FCAMR: variants seen among roughly 807,000 people sequenced by gnomAD.
FCAMR encodes the protein high affinity immunoglobulin alpha and immunoglobulin mu Fc receptor.
A neutral mutation model predicts 52.2 loss-of-function variants in FCAMR; 51 were observed. The ratio of observed to expected loss-of-function variants is 0.98; its 90% CI spans 0.78 to 1.23. FCAMR has a LOEUF of 1.23. FCAMR is among the 50% of genes most tolerant of loss of function. The probability of loss-of-function intolerance (pLI) is 0.00; values close to 1 mark genes in which losing one functional copy is unlikely to be tolerated. For missense variants in FCAMR, 719 were observed against 712.6 expected (o/e 1.01, Z -0.10); for synonymous variants, 282 against 262.0 (o/e 1.08, Z -0.74).
upstream of FCAMR, chr1:206,970,476 C>T (rs1206498755): frequency 5.3e-6 from 1 of 187,022 alleles, no homozygotes; most frequent in Non-Finnish European, 1.1e-5. Flanking sequence ...CTTCAGGGGT[C>T]TCAGACTATT....
intron 4 of FCAMR, among the ~76,000 whole-genome samples, chr1:206,963,612 T>C (rs1307693118): frequency 6.6e-6 from 1 of 152,186 alleles, no homozygotes; most frequent in African/African-American, 2.4e-5. Flanking sequence ...TTCTCCCAGC[T>C]GGGCTTGGAG....
intron 4 of FCAMR, among the ~76,000 whole-genome samples, chr1:206,963,337 T>C (rs1323840001): frequency 6.6e-6 from 1 of 152,158 alleles, no homozygotes; most frequent in African/African-American, 2.4e-5. Flanking sequence ...TTGAACCACA[T>C]ATATGGCCAG....
Position 206,958,501 on chromosome 1 carries a change from T to G in FCAMR, c.*15A>C. 6.2e-7 allele frequency: 1 copy of G among 1,607,166 alleles called. No individual in the cohort carries two copies. Among genetic ancestry groups the G allele is most frequent in the Admixed American group, 1.7e-5 (1 of 59,554 alleles). On this transcript the variant is annotated 3_prime_UTR_variant, in exon 8 of 8. Transcript: ENST00000324852. ...CCTTCTCCCATGGTAACTGAGCAGTTCATCTCTCTGTCCCTCAGGGTCCTG... is the reference window on the plus strand; with the variant it reads ...CCTTCTCCCATGGTAACTGAGCAGTGCATCTCTCTGTCCCTCAGGGTCCTG...
chr1:206,958,699 G>A, intron 7 of FCAMR, 23 bp from the exon 8 acceptor site: 5 of 1,613,974 alleles, frequency 3.1e-6, no homozygotes, highest in Non-Finnish European at 4.2e-6. Flanking sequence ...AGAGCAGACT[G>A]TGAGGGTTCT....
rs1369149819 is a variant in FCAMR, at chr1:206,962,199, C to T, written c.652+14G>A. ...TGCTTCACCAAGCTTGGCCCATCAG[C>T]CGTCAGCTCATACCTGCAGAGATGG... On this transcript the variant is annotated intron_variant, in intron 5 of 7. Transcript: ENST00000324852. 1.9e-6 allele frequency: 3 copies of T among 1,608,186 alleles called. No individual in the cohort carries two copies. In the Admixed American group the frequency reaches 5.0e-5, roughly 27 times the overall value.
Position 206,962,105 on chromosome 1 carries a change from C to T in FCAMR, c.652+108G>A, listed in dbSNP as rs985883628. 3.2e-5 allele frequency: 35 copies of T among 1,095,710 alleles called. No individual in the cohort carries two copies. In the East Asian group the frequency reaches 8.4e-4, roughly 26 times the overall value. 67.9% of individuals were successfully genotyped at this position (1,095,710 alleles called of 1,614,324 possible). On this transcript the variant is annotated intron_variant, in intron 5 of 7. Transcript: ENST00000324852. Reference sequence around the variant, plus strand: ...TTGCCTTGCCCCAGCTTTTCATTGTCACTTCCCTAATGTTTCAAGCCCTTC... The same window carrying T: ...TTGCCTTGCCCCAGCTTTTCATTGTTACTTCCCTAATGTTTCAAGCCCTTC...
rs1234600155 is a variant in FCAMR, at chr1:206,965,839, T to C, written c.189A>G (p.Pro63=). ...CLLQGSSFAL[P]QKRPHPRWLW... ...GCCATCTCGGATGGGGTCTTTTTTG[T>C]GGAAGGGCGAAAGAAGAACCTGCAG... Residue 63 remains proline, a synonymous_variant, in exon 4 of 8, where the codon CCA becomes CCG. Coordinates refer to ENST00000324852, the MANE Select transcript of FCAMR (RefSeq NM_001170631.2). 6.2e-7 allele frequency: 1 copy of C among 1,605,348 alleles called. No homozygotes were observed. Among genetic ancestry groups the C allele is most frequent in the Non-Finnish European group, 8.5e-7 (1 of 1,176,252 alleles).
intron 1 of FCAMR, among the ~76,000 whole-genome samples, chr1:206,969,589 G>T (rs1680855025): frequency 6.6e-6 from 1 of 152,180 alleles, no homozygotes. Flanking sequence ...CAGGCTGCTT[G>T]CTGCATGACT....
At position 206,961,062 on chromosome 1, in the gene FCAMR, TG is replaced by T; in HGVS notation, c.813del (p.Ser272AlafsTer63). 6.4e-7 allele frequency: 1 copy of T among 1,551,942 alleles called. No individual in the cohort carries two copies. The highest frequency in any genetic ancestry group is 8.7e-7 in the Non-Finnish European group (1 of 1,147,050). On this transcript the variant is annotated frameshift_variant, in exon 6 of 8. Transcript: ENST00000324852. LOFTEE classifies it high-confidence loss of function. Reference sequence around the variant, plus strand: ...CCCTCAGCTGAAGCTGTAGTCTTGCTGGTTCCTGGAGTGGAAGCAACTGTGT... The same window carrying T: ...CCCTCAGCTGAAGCTGTAGTCTTGCTGTTCCTGGAGTGGAAGCAACTGTGT... The part of the protein sequence containing the change: ...AWDTVASTPG[T>X]SKTTASAEGR...
At chr1:206,967,392 G>A (rs1264816937) in intron 2 of FCAMR, among the ~76,000 whole-genome samples, 191 bp downstream of exon 2, 2 of 152,166 alleles carry the variant, frequency 1.3e-5, no homozygotes, top group East Asian at 1.9e-4. Flanking sequence ...CCCTCTGTAG[G>A]ATTCTAGCCT....
chr1:206,968,384 T>C (rs1680799184), intron 1 of FCAMR, among the ~76,000 whole-genome samples: 1 of 152,232 alleles, frequency 6.6e-6, no homozygotes, highest in Non-Finnish European at 1.5e-5. Flanking sequence ...ACTTCTCTTG[T>C]ATTCCCCAGA....
In FCAMR at chr1:206,960,771, C is replaced by G; in HGVS notation, c.1105G>C (p.Ala369Pro). The G allele has an allele frequency of 6.4e-7, 1 of 1,552,404 alleles. No homozygotes were observed. The highest frequency in any genetic ancestry group is 8.7e-7 in the Non-Finnish European group (1 of 1,147,146). ...IEGVRIALDA[A>P]KKVLGTIGPP... ...CCAATGGTTCCTAGGACCTTTTTGGCTGCATCAAGAGCTATCCTGACCCCC... is the reference window on the plus strand; with the variant it reads ...CCAATGGTTCCTAGGACCTTTTTGGGTGCATCAAGAGCTATCCTGACCCCC... Residue 369 changes from alanine (A) to proline (P), a missense_variant, in exon 6 of 8, where the codon GCC (alanine) becomes CCC (proline). Coordinates refer to ENST00000324852, the MANE Select transcript of FCAMR (RefSeq NM_001170631.2).
At chr1:206,967,163 G>A (rs749077293) in intron 2 of FCAMR, 51 bp from the exon 3 acceptor site, 20 of 1,584,816 alleles carry the variant, frequency 1.3e-5, no homozygotes, top group South Asian at 2.2e-5. Flanking sequence ...CTGGGTGAGG[G>A]TGGTGGGACT....
Position 206,960,961 on chromosome 1 carries a change from A to G in FCAMR, c.915T>C (p.Pro305=), listed in dbSNP as rs924435565. 2 of 1,551,870 alleles carry G rather than the reference A, an allele frequency of 1.3e-6. No individual in the cohort carries two copies. The highest frequency in any genetic ancestry group is 1.7e-6 in the Non-Finnish European group (2 of 1,147,052). ...AAGGTGGACTCTCTGGAATCGGAGCAGGTGCTTTGACAGAACCCTCTGCCC... is the reference window on the plus strand; with the variant it reads ...AAGGTGGACTCTCTGGAATCGGAGCGGGTGCTTTGACAGAACCCTCTGCCC... The part of the protein sequence containing the change: ...GSWAEGSVKA[P]APIPESPPSK... Residue 305 remains proline, a synonymous_variant, in exon 6 of 8, where the codon CCT becomes CCC. Transcript: ENST00000324852.
intron 2 of FCAMR, 107 bp from the exon 3 acceptor site, chr1:206,967,219 T>C (rs2102268687): frequency 3.5e-6 from 4 of 1,137,006 alleles, no homozygotes; most frequent in African/African-American, 3.1e-5. Flanking sequence ...GTTTGCTCAG[T>C]GCAGGGGCTG....
chr1:206,961,801 G>A (rs977011557), intron 5 of FCAMR, among the ~76,000 whole-genome samples: 1 of 152,264 alleles, frequency 6.6e-6, no homozygotes, highest in African/African-American at 2.4e-5. Context: ...CTCAGCAAGA[G>A]TCTGTGTGAA....
Position 206,961,117 on chromosome 1 carries a change from G to A in FCAMR, c.759C>T (p.Thr253=). The change falls in exon 6 of 8, where the codon ACC becomes ACT. Residue 253 remains threonine, a synonymous_variant. Transcript: ENST00000324852. The part of the protein sequence containing the change: ...PVANRWTPGT[T]QTLGQGTAWD... ...ATGCTGTCCCCTGTCCTAAGGTCTG[G>A]GTGGTTCCTGGGGTCCATCTGTTGG... 6.4e-7 allele frequency: 1 copy of A among 1,551,782 alleles called. No individual in the cohort carries two copies. Among genetic ancestry groups the A allele is most frequent in the Non-Finnish European group, 8.7e-7 (1 of 1,147,024 alleles).
At position 206,967,601 on chromosome 1, in the gene FCAMR, G is replaced by T; in HGVS notation, c.90C>A (p.Gly30=). Residue 30 remains glycine (G), a synonymous_variant, in exon 2 of 8, where the codon GGC becomes GGA. Coordinates refer to ENST00000324852, the MANE Select transcript of FCAMR (RefSeq NM_001170631.2). ...AACTTACGTGAGATTGTGGTAAAGT[G>T]CCAGCAATGAGCCTGGAGTAGTCCA... The part of the protein sequence containing the change: ...REVDYSRLIA[G]TLPQSHVTSR... 6.2e-7 allele frequency: 1 copy of T among 1,614,140 alleles called. No homozygotes were observed. The highest frequency in any genetic ancestry group is 8.5e-7 in the Non-Finnish European group (1 of 1,179,968).
At chr1:206,961,419 G>A (rs563633412) in intron 5 of FCAMR, among the ~76,000 whole-genome samples, 196 bp from the exon 6 acceptor site, 10 of 152,314 alleles carry the variant, frequency 6.6e-5, no homozygotes, top group East Asian at 3.9e-4. Flanking sequence ...ACATTCTCTC[G>A]TCTGTGGCAG....
Sources: gnomAD v4.1 joint callset for allele counts (sites outside exome capture counted in the v4.1 genomes callset) on GRCh38, gnomAD v4.1.1 for gene constraint, MANE v1.5 for transcripts, NCBI Gene and HGNC (gene_info 2026-07-23, HGNC 2026-07-21) for gene names.